The following LANCL1 variants were observed in gnomAD, a reference collection of about 807,000 sequenced individuals.
The protein encoded by LANCL1 is glutathione S-transferase LANCL1.
A neutral mutation model predicts 50.6 loss-of-function variants in LANCL1; 50 were observed. The observed-to-expected ratio is 0.99, with a 90% CI of 0.79 to 1.25. The LOEUF is 1.25. Ranked by LOEUF, LANCL1 falls within the 50% of genes most tolerant of loss-of-function variation. The pLI is 0.00. For missense variants in LANCL1, 532 were observed against 480.7 expected, an observed-to-expected ratio of 1.11 and a Z score of -1.00; for synonymous variants, 188 against 178.6, an observed-to-expected ratio of 1.05 and a Z score of -0.42.
intron 4 of LANCL1, among the ~76,000 whole-genome samples, chr2:210,449,921 A>G (rs916043994): frequency 2.6e-5 from 4 of 152,330 alleles, no homozygotes; most frequent in Admixed American, 2.6e-4. Flanking sequence ...CACTGCCCAA[A>G]GTAATTTATA....
rs3770692 is a variant in LANCL1 at position 210,464,054 on chromosome 2, T to C, written c.199+7905A>G. Among the ~76,000 whole-genome samples the C allele has an allele frequency of 1.5e-4, 23 of 152,358 alleles. 1 individual carries two copies. In the East Asian group the frequency reaches 4.2e-3, roughly 28 times the overall value. On this transcript the variant is annotated intron_variant, in intron 3 of 9. Transcript: ENST00000450366. ...GTTGTAAAACAGTTTGTAAAGTAAGTGTAAAGTACTTTCTTAAGCAATTAT... is the reference window on the plus strand; with the variant it reads ...GTTGTAAAACAGTTTGTAAAGTAAGCGTAAAGTACTTTCTTAAGCAATTAT...
At chr2:210,444,318 A>G (rs1488477485) in intron 4 of LANCL1, among the ~76,000 whole-genome samples, 3 of 152,184 alleles carry the variant, frequency 2.0e-5, no homozygotes, top group African/African-American at 7.2e-5. Context: ...ATGAAAGAGA[A>G]CAATCTTCCT....
chr2:210,467,287 G>A (rs142411712), intron 3 of LANCL1, among the ~76,000 whole-genome samples: 6 of 152,278 alleles, frequency 3.9e-5, no homozygotes, highest in African/African-American at 1.2e-4. Flanking sequence ...AAAAACGTCC[G>A]ACAGAAATTA....
Position 210,431,492 on chromosome 2 carries a change from G to A in LANCL1, c.*2995C>T, listed in dbSNP as rs1055242557. 1 of 152,168 alleles carries A rather than the reference G, an allele frequency of 6.6e-6. No individual in the cohort carries two copies. Among genetic ancestry groups the A allele is most frequent in the African/African-American group, 2.4e-5 (1 of 41,436 alleles). The allele number at this position is 152,168 out of a possible 1,614,324, so 9.4% of individuals were successfully genotyped here. ...AGCAGAAATGAAATTGGAATTCAGT[G>A]TAAATAATAAAGGACTACAGATGAG... On this transcript the variant is annotated 3_prime_UTR_variant, in exon 10 of 10. Transcript: ENST00000450366.
At chr2:210,475,213 G>A (rs1694322524) in intron 2 of LANCL1, among the ~76,000 whole-genome samples, 1 of 152,184 alleles carries the variant, frequency 6.6e-6, no homozygotes, top group Admixed American at 6.5e-5. Context: ...GATGAAATCT[G>A]TAAGGCCTTT....
intron 6 of LANCL1, 44 bp from the exon 7 acceptor site, chr2:210,437,916 A>G: frequency 2.1e-6 from 3 of 1,409,918 alleles, no homozygotes; most frequent in Non-Finnish European, 1.9e-6. Flanking sequence ...AAGCAAATAA[A>G]CCTTCCTAGG....
intron 4 of LANCL1, among the ~76,000 whole-genome samples, chr2:210,447,844 A>G (rs566719578): frequency 6.6e-6 from 1 of 152,322 alleles, no homozygotes; most frequent in East Asian, 1.9e-4. Context: ...AGGAGCACCC[A>G]GATTCATAAA....
intron 3 of LANCL1, among the ~76,000 whole-genome samples, chr2:210,464,075 A>G (rs1459571241): frequency 2.0e-5 from 3 of 152,336 alleles, no homozygotes; most frequent in Admixed American, 2.0e-4. Flanking sequence ...TTCTTAAGCA[A>G]TTATTTGCTT....
In LANCL1 at chr2:210,476,677, T is replaced by G. The variant is rs765290197; in HGVS notation, c.-74A>C. ...TCCCACGCCCGCGACTTGAAGCAAGTGCGCCTCCCGCGTCCTGAAGCCCTT... is the reference window on the plus strand; with the variant it reads ...TCCCACGCCCGCGACTTGAAGCAAGGGCGCCTCCCGCGTCCTGAAGCCCTT... On this transcript the variant is annotated 5_prime_UTR_variant, in exon 1 of 10. Transcript: ENST00000450366. The G allele has an allele frequency of 2.5e-6, 3 of 1,215,182 alleles. No individual in the cohort carries two copies. Among genetic ancestry groups the G allele is most frequent in the South Asian group, 2.4e-5 (1 of 40,982 alleles). 75.3% of individuals were successfully genotyped at this position (1,215,182 alleles called of 1,614,324 possible).
intron 4 of LANCL1, among the ~76,000 whole-genome samples, chr2:210,449,215 T>C (rs1274041220): frequency 6.6e-6 from 1 of 152,148 alleles, no homozygotes; most frequent in Non-Finnish European, 1.5e-5. Flanking sequence ...AATCAATAAA[T>C]GTAATCCGTC....
chr2:210,457,181 C>CT (rs1174961688), intron 3 of LANCL1, among the ~76,000 whole-genome samples: 2 of 152,130 alleles, frequency 1.3e-5, no homozygotes, highest in Non-Finnish European at 2.9e-5. Flanking sequence ...TGGAAAAGGA[C>CT]TTTAAGTGGT....
chr2:210,443,181 T>C (rs2105894017), intron 4 of LANCL1, among the ~76,000 whole-genome samples: 1 of 152,238 alleles, frequency 6.6e-6, no homozygotes, highest in Admixed American at 6.5e-5. Context: ...GGGGAGAAGA[T>C]CACAGAGGGA....
chr2:210,453,582 T>C (rs1371095455), intron 4 of LANCL1, among the ~76,000 whole-genome samples: 1 of 152,216 alleles, frequency 6.6e-6, no homozygotes, highest in African/African-American at 2.4e-5. Context: ...TGTGGCTGCA[T>C]GTATTATGGA....
chr2:210,440,167 G>C (rs1255646889), intron 6 of LANCL1, among the ~76,000 whole-genome samples: 1 of 152,188 alleles, frequency 6.6e-6, no homozygotes, highest in Non-Finnish European at 1.5e-5. Context: ...GTGAGCATTA[G>C]GCAACAAGTG....
chr2:210,462,776 A>G (rs1693903887), intron 3 of LANCL1, among the ~76,000 whole-genome samples: 2 of 152,220 alleles, frequency 1.3e-5, no homozygotes, highest in African/African-American at 2.4e-5. Flanking sequence ...TTTAAATAGT[A>G]ATTACTCTTG....
Position 210,455,179 on chromosome 2 carries a change from C to A in LANCL1, c.335G>T (p.Gly112Val). 6.2e-7 allele frequency: 1 copy of A among 1,613,682 alleles called. No individual in the cohort carries two copies. The highest frequency in any genetic ancestry group is 8.5e-7 in the Non-Finnish European group (1 of 1,179,734). Residue 112 changes from glycine to valine, a missense_variant, in exon 4 of 10, where the codon GGC becomes GTC. Coordinates refer to ENST00000450366, the MANE Select transcript of LANCL1 (RefSeq NM_006055.3). The part of the protein sequence containing the change: ...RSITFLCGDA[G>V]PLAVAAVLYH... ...TAGCACAGCGGCCACTGCCAGGGGG[C>A]CTGCATCCCCACAAAGGAAGGTGAT...
At chr2:210,471,050 T>G (rs867625844) in intron 3 of LANCL1, among the ~76,000 whole-genome samples, 1,702 of 143,830 alleles carry the variant, frequency 0.012, 32 homozygotes, top group African/African-American at 0.042. Context: ...TGATTTTTTT[T>G]TTTTTTTTTT....
rs1553714474 is a variant in LANCL1 at position 210,464,983 on chromosome 2, A to AAACAAAAAAAC, written c.199+6975_199+6976insGTTTTTTTGTT. 1.4e-3 allele frequency among the ~76,000 whole-genome samples: 90 copies of AAACAAAAAAAC among 64,640 alleles called. 2 individuals carry two copies. Among genetic ancestry groups the AAACAAAAAAAC allele is most frequent in the Non-Finnish European group, 2.0e-3 (48 of 23,804 alleles). 42.4% of individuals were successfully genotyped at this position (64,640 alleles called of 152,430 possible). On this transcript the variant is annotated intron_variant, in intron 3 of 9. Coordinates refer to ENST00000450366, the MANE Select transcript of LANCL1 (RefSeq NM_006055.3). ...GCGAGACTCCGTCTCAAAAAAAAAA[A>AAACAAAAAAAC]AAAAAAAACTTATGCGTACAGACTG...
intron 3 of LANCL1, among the ~76,000 whole-genome samples, chr2:210,465,203 CTG>C (rs1227107530): frequency 2.0e-5 from 3 of 152,214 alleles, no homozygotes; most frequent in Non-Finnish European, 4.4e-5. Context: ...ATCATTATCT[CTG>C]TCTCTCCAGT....
Sources: allele counts gnomAD v4.1 joint callset (sites outside exome capture counted in the v4.1 genomes callset), GRCh38; gene constraint gnomAD v4.1.1; transcripts MANE v1.5; gene names NCBI Gene and HGNC (gene_info 2026-07-23, HGNC 2026-07-21).